Variants in NRXN3 observed in about 807,000 individuals in gnomAD.
NRXN3 encodes the protein neurexin 3.
In NRXN3, 32 loss-of-function variants were observed where a neutral mutation model predicts 137.6. The observed-to-expected ratio is 0.23, with a 90% CI of 0.18 to 0.31. The LOEUF (loss-of-function observed/expected upper bound fraction) is 0.31. NRXN3 is among the 10% of genes least tolerant of loss of function. The pLI is 1.00. For missense variants in NRXN3, 1,574 were observed against 2,062.5 expected, an observed-to-expected ratio of 0.76 and a Z score of 4.59; for synonymous variants, 798 against 784.5, an observed-to-expected ratio of 1.02 and a Z score of -0.29.
At position 78,803,687 on chromosome 14, in the gene NRXN3, T is replaced by G; in HGVS notation, c.2112T>G (p.Thr704=). The G allele has an allele frequency of 6.2e-7, 1 of 1,614,196 alleles. No homozygotes were observed. The highest frequency in any genetic ancestry group is 8.5e-7 in the Non-Finnish European group (1 of 1,180,018). ...TCATCATGCCCATGGTCATGCATAC[T>G]GAGGCAGAGGATGTGTCCTTCCGCT... The part of the protein sequence containing the change: ...MKIIMPMVMH[T]EAEDVSFRFM... Residue 704 remains threonine, a synonymous_variant, in exon 9 of 21, where the codon ACT becomes ACG. Coordinates refer to ENST00000335750, the MANE Select transcript of NRXN3 (RefSeq NM_001330195.2).
At chr14:79,530,558 C>T (rs1028238714) in intron 16 of NRXN3, among the ~76,000 whole-genome samples, 3 of 150,098 alleles carry the variant, frequency 2.0e-5, no homozygotes, top group African/African-American at 7.4e-5. Flanking sequence ...TTTCTCTGCT[C>T]TCTCTGTTTG....
intron 15 of NRXN3, among the ~76,000 whole-genome samples, chr14:79,462,668 A>G (rs905830183): frequency 1.3e-5 from 2 of 151,352 alleles, no homozygotes; most frequent in Admixed American, 6.6e-5. Flanking sequence ...CACACAACCA[A>G]TATTGTATTA....
intron 16 of NRXN3, among the ~76,000 whole-genome samples, chr14:79,494,494 TTCTTACCAGCCTTGCATGAAACG>T (rs2096747656): frequency 6.6e-6 from 1 of 152,188 alleles, no homozygotes; most frequent in African/African-American, 2.4e-5. Context: ...AACACCGTCT[TTCTTACCAGCCTTGCATGAAACG>T]TCATTAAGAT....
rs151170087 is a variant in NRXN3, at chr14:79,345,513, A to G, written c.3263-121708A>G. Among the ~76,000 whole-genome samples the G allele has an allele frequency of 2.4e-3, 358 of 152,334 alleles. 3 individuals carry two copies. Among genetic ancestry groups the G allele is most frequent in the African/African-American group, 8.3e-3 (343 of 41,572 alleles). ...AATTAGATTCACAATGCCATGTCTT[A>G]GCAGGATGATATAGTTTGGGTACTT... On this transcript the variant is annotated intron_variant, in intron 15 of 20. Transcript: ENST00000335750.
At chr14:79,235,300 G>A (rs1357814943) in intron 15 of NRXN3, among the ~76,000 whole-genome samples, 1 of 152,120 alleles carries the variant, frequency 6.6e-6, no homozygotes, top group African/African-American at 2.4e-5. Flanking sequence ...TGGTTATAGG[G>A]TCAAGCAACC....
chr14:79,148,808 C>A (rs1316096584), intron 15 of NRXN3, among the ~76,000 whole-genome samples: 2 of 152,092 alleles, frequency 1.3e-5, no homozygotes, highest in African/African-American at 4.8e-5. Flanking sequence ...TTACTAATTT[C>A]TTAGCATTCT....
chr14:78,465,857 T>G (rs1410969227), intron 4 of NRXN3, among the ~76,000 whole-genome samples: 1 of 148,954 alleles, frequency 6.7e-6, no homozygotes, highest in African/African-American at 2.5e-5. Flanking sequence ...AAATTTTTAT[T>G]TATTTATTTT....
chr14:79,060,063 G>A (rs1340262764), intron 15 of NRXN3, among the ~76,000 whole-genome samples: 1 of 152,160 alleles, frequency 6.6e-6, no homozygotes, highest in African/African-American at 2.4e-5. Context: ...GAGACAGCTG[G>A]GTGCACTAAG....
chr14:78,227,507 G>A (rs577594604), intron 1 of NRXN3, among the ~76,000 whole-genome samples: 40 of 152,312 alleles, frequency 2.6e-4, no homozygotes, highest in Non-Finnish European at 5.0e-4. Context: ...GATGGTTTCT[G>A]TGCGTATTGC....
In NRXN3 at chr14:78,477,273, C is replaced by G. The variant is rs1548816; in HGVS notation, c.758-167847C>G. The stretch of plus-strand genomic sequence containing the variant: ...ACCAGAGCCTTTCTGCTCATTCATT[C>G]TCTACATTTCATGCCTCTCTGAAGT... On this transcript the variant is annotated intron_variant, in intron 4 of 20. Transcript: ENST00000335750. Among the ~76,000 whole-genome samples the G allele has an allele frequency of 5.7e-3, 868 of 152,268 alleles. 41 individuals are homozygous for G. In the East Asian group the frequency reaches 0.096, roughly 17 times the overall value.
intron 4 of NRXN3, among the ~76,000 whole-genome samples, chr14:78,484,274 T>G (rs902444284): frequency 2.0e-5 from 3 of 152,118 alleles, no homozygotes; most frequent in African/African-American, 7.2e-5. Flanking sequence ...CAATGAATGG[T>G]TCTAGTGGGG....
At position 78,398,208 on chromosome 14, in the gene NRXN3, C is replaced by CGA. The variant is rs1056500842; in HGVS notation, c.757+100348_757+100349insGA. On this transcript the variant is annotated intron_variant, in intron 4 of 20. Transcript: ENST00000335750. The stretch of plus-strand genomic sequence containing the variant: ...CAGCCTGGGTGACAAGAGCAAAACT[C>CGA]TGTTTCAAAAAAAAAAAAAAAAAAA... Among the ~76,000 whole-genome samples, 5 of 52,772 alleles carry CGA rather than the reference C, an allele frequency of 9.5e-5. No individual in the cohort carries two copies. In the South Asian group the frequency reaches 6.5e-3, roughly 69 times the overall value. The allele number at this position is 52,772 out of a possible 152,430, so 34.6% of individuals were successfully genotyped here.
intron 17 of NRXN3, among the ~76,000 whole-genome samples, chr14:79,686,120 C>T (rs2098693790): frequency 6.6e-6 from 1 of 151,988 alleles, no homozygotes; most frequent in East Asian, 1.9e-4. Context: ...AGTGAAACCC[C>T]ATCTCTCCTA....
At chr14:79,400,754 G>C (rs61993119) in intron 15 of NRXN3, among the ~76,000 whole-genome samples, 41,203 of 152,124 alleles carry the variant, frequency 0.27, 6,629 homozygotes, top group Admixed American at 0.38. Flanking sequence ...AAAGAGCAGA[G>C]AACCGCAGAA....
intron 16 of NRXN3, among the ~76,000 whole-genome samples, chr14:79,519,767 T>C (rs1010124743): frequency 2.2e-5 from 3 of 133,354 alleles, no homozygotes; most frequent in Non-Finnish European, 4.6e-5. Context: ...CAATAGTATT[T>C]CTTTTTTTTT....
At chr14:79,280,655 GA>G (rs2081134835) in intron 15 of NRXN3, 10 of 1,071,896 alleles carry the variant, frequency 9.3e-6, no homozygotes, top group South Asian at 9.1e-5. Flanking sequence ...TTAAAATGAT[GA>G]AAAGCATCGT....
chr14:79,622,593 A>ATTTT, intron 16 of NRXN3, among the ~76,000 whole-genome samples: 1 of 151,918 alleles, frequency 6.6e-6, no homozygotes, highest in African/African-American at 2.4e-5. Context: ...TATTTAGTTT[A>ATTTT]TTTTTATTTA....
chr14:79,192,063 A>G (rs1031067426), intron 15 of NRXN3, among the ~76,000 whole-genome samples: 1 of 152,016 alleles, frequency 6.6e-6, no homozygotes, highest in African/African-American at 2.4e-5. Flanking sequence ...TAATATTTGT[A>G]TTTTTAGCAG....
intron 4 of NRXN3, among the ~76,000 whole-genome samples, chr14:78,463,791 T>C (rs1177640310): frequency 6.7e-6 from 1 of 150,160 alleles, no homozygotes; most frequent in Admixed American, 6.7e-5. Flanking sequence ...TTTTTTTAGA[T>C]ATAGCAAGTA....
Sources: gnomAD v4.1 joint callset for allele counts (sites outside exome capture counted in the v4.1 genomes callset) on GRCh38, gnomAD v4.1.1 for gene constraint, MANE v1.5 for transcripts, NCBI Gene and HGNC (gene_info 2026-07-23, HGNC 2026-07-21) for gene names.